The following GPBP1 variants were observed in gnomAD, a reference collection of about 807,000 sequenced individuals.
GPBP1 encodes vasculin.
Under a neutral mutation model 56.5 loss-of-function variants are expected in GPBP1, and 13 were observed. The observed-to-expected ratio is 0.23, with a 90% CI of 0.15 to 0.37. The LOEUF (loss-of-function observed/expected upper bound fraction) is 0.37. Ranked by LOEUF, GPBP1 falls within the 10% of genes least tolerant of loss-of-function variation. The pLI is 1.00. For synonymous variants in GPBP1, 204 were observed against 188.9 expected (o/e 1.08, Z -0.66); for missense variants, 477 against 572.3 (o/e 0.83, Z 1.70).
chr5:57,248,276 A>T (rs1684696051), intron 8 of GPBP1, among the ~76,000 whole-genome samples: 1 of 151,942 alleles, frequency 6.6e-6, no homozygotes, highest in Non-Finnish European at 1.5e-5. Context: ...TAGTTCAGGT[A>T]TTTTCTTTCT....
chr5:57,230,211 T>C (rs947947521), intron 3 of GPBP1, among the ~76,000 whole-genome samples: 8 of 152,094 alleles, frequency 5.3e-5, no homozygotes, highest in Admixed American at 3.9e-4. Flanking sequence ...GGATTACAGG[T>C]GTAAGCCACC....
At chr5:57,194,404 T>G (rs1754659755) in intron 2 of GPBP1, among the ~76,000 whole-genome samples, 1 of 152,196 alleles carries the variant, frequency 6.6e-6, no homozygotes, top group Admixed American at 6.6e-5. Context: ...ATATTTCTAC[T>G]TATGGATGAA....
chr5:57,190,134 A>G lies in GPBP1; in HGVS notation c.-58+13734A>G, dbSNP rs1488137113. Among the ~76,000 whole-genome samples, 24 of 148,364 alleles carry G rather than the reference A, an allele frequency of 1.6e-4. No homozygotes were observed. The Admixed American group carries it at 1.7e-3, about 11-fold the overall frequency. On this transcript the variant is annotated intron_variant, in intron 2 of 11. Coordinates refer to ENST00000506184, the MANE Select transcript of GPBP1 (RefSeq NM_022913.4). ...CACTTATTTGCACAGTAAAAGAACT[A>G]TTAACATCTATAAATAATTTAGCCT...
At chr5:57,193,297 CAA>C (rs762077089) in intron 2 of GPBP1, among the ~76,000 whole-genome samples, 10 of 151,674 alleles carry the variant, frequency 6.6e-5, no homozygotes, top group Non-Finnish European at 1.0e-4. Context: ...GCCTGGGTGA[CAA>C]GAGTGAAACT....
intron 2 of GPBP1, among the ~76,000 whole-genome samples, chr5:57,194,159 C>T (rs1161580563): frequency 6.6e-6 from 1 of 152,126 alleles, no homozygotes; most frequent in Non-Finnish European, 1.5e-5. Flanking sequence ...AACTAGACCT[C>T]TATTGATGTA....
chr5:57,210,290 C>T (rs545040286), intron 2 of GPBP1, among the ~76,000 whole-genome samples: 2 of 152,086 alleles, frequency 1.3e-5, no homozygotes, highest in South Asian at 2.1e-4. Context: ...TTTTATTCTT[C>T]ATGGATGTCG....
intron 8 of GPBP1, among the ~76,000 whole-genome samples, chr5:57,248,677 G>A (rs1194772916): frequency 2.0e-5 from 3 of 151,840 alleles, no homozygotes; most frequent in Non-Finnish European, 2.9e-5. Flanking sequence ...CTCGTGATCC[G>A]CCCGCCTCGG....
chr5:57,203,567 C>T (rs1755107554), intron 2 of GPBP1, among the ~76,000 whole-genome samples: 1 of 152,166 alleles, frequency 6.6e-6, no homozygotes, highest in Admixed American at 6.6e-5. Context: ...ACTGCTTGAA[C>T]CCAGGAGTGG....
rs1580084871 is a variant in GPBP1, at chr5:57,255,894, T to C, written c.1160+4753T>C. Among the ~76,000 whole-genome samples the C allele has an allele frequency of 2.0e-5, 3 of 152,160 alleles. No individual in the cohort carries two copies. The East Asian group carries it at 5.8e-4, about 29-fold the overall frequency. ...ACTTTAGTTTCATAACTTGACAGAATTTGGTTCTCTGTGACTACTAACAGG... is the reference window on the plus strand; with the variant it reads ...ACTTTAGTTTCATAACTTGACAGAACTTGGTTCTCTGTGACTACTAACAGG... On this transcript the variant is annotated intron_variant, in intron 10 of 11. Coordinates refer to ENST00000506184, the MANE Select transcript of GPBP1 (RefSeq NM_022913.4).
chr5:57,223,166 G>T (rs1756026406), intron 3 of GPBP1, among the ~76,000 whole-genome samples: 1 of 151,912 alleles, frequency 6.6e-6, no homozygotes, highest in Non-Finnish European at 1.5e-5. Flanking sequence ...TAGAGACAGG[G>T]TCTCACTGTG....
At chr5:57,193,824 C>T (rs1754634555) in intron 2 of GPBP1, among the ~76,000 whole-genome samples, 1 of 151,722 alleles carries the variant, frequency 6.6e-6, no homozygotes, top group South Asian at 2.1e-4. Context: ...ATTCAGGAAA[C>T]AGTAAAATTG....
intron 3 of GPBP1, among the ~76,000 whole-genome samples, chr5:57,229,606 C>T (rs1756354872): frequency 6.6e-6 from 1 of 152,026 alleles, no homozygotes. Context: ...TCTCGGCTCA[C>T]TGCAACTGCA....
chr5:57,175,500 C>A lies in GPBP1; in HGVS notation c.-958C>A. The A allele has an allele frequency of 2.5e-6, 1 of 398,336 alleles. No homozygotes were observed. Among genetic ancestry groups the A allele is most frequent in the Non-Finnish European group, 4.4e-6 (1 of 226,008 alleles). 24.7% of individuals were successfully genotyped at this position (398,336 alleles called of 1,614,324 possible). ...CATCATCTAGGTTTTGTGTAAAAGG[C>A]CCTGGATATTTTAAGTGGCCATTTT... On this transcript the variant is annotated 5_prime_UTR_variant, in exon 2 of 12. Coordinates refer to ENST00000506184, the MANE Select transcript of GPBP1 (RefSeq NM_022913.4).
At chr5:57,216,235 G>T (rs1254306030) in intron 3 of GPBP1, among the ~76,000 whole-genome samples, 2 of 152,174 alleles carry the variant, frequency 1.3e-5, no homozygotes, top group Non-Finnish European at 2.9e-5. Context: ...GGTGAGAAAT[G>T]TTGGCAGTCT....
intron 10 of GPBP1, among the ~76,000 whole-genome samples, chr5:57,256,311 A>AG (rs993578572): frequency 3.2e-4 from 49 of 151,942 alleles, no homozygotes; most frequent in African/African-American, 1.1e-3. Context: ...CTCTAGAGGG[A>AG]GGGGGAAAAA....
At chr5:57,250,861 A>G (rs1425151310) in intron 9 of GPBP1, 93 bp from the exon 10 acceptor site, 2 of 868,888 alleles carry the variant, frequency 2.3e-6, no homozygotes, top group Non-Finnish European at 3.4e-6. Flanking sequence ...ATGTATTTTC[A>G]ATGGAAGCTT....
At chr5:57,209,445 T>C (rs560089547) in intron 2 of GPBP1, among the ~76,000 whole-genome samples, 1 of 152,212 alleles carries the variant, frequency 6.6e-6, no homozygotes, top group African/African-American at 2.4e-5. Flanking sequence ...GGACTACAGG[T>C]GCTTTGCACT....
intron 3 of GPBP1, among the ~76,000 whole-genome samples, chr5:57,226,695 G>A (rs542038837): frequency 6.8e-6 from 1 of 147,470 alleles, no homozygotes; most frequent in Non-Finnish European, 1.5e-5. Flanking sequence ...GGGATTACAG[G>A]TGTGCGCCAC....
chr5:57,225,851 C>G (rs1243426101), intron 3 of GPBP1, among the ~76,000 whole-genome samples: 2 of 152,224 alleles, frequency 1.3e-5, no homozygotes, highest in African/African-American at 4.8e-5. Context: ...TATCCTGCTA[C>G]TCCTGATGCC....
Sources: allele counts gnomAD v4.1 joint callset (sites outside exome capture counted in the v4.1 genomes callset), GRCh38; gene constraint gnomAD v4.1.1; transcripts MANE v1.5; gene names NCBI Gene and HGNC (gene_info 2026-07-23, HGNC 2026-07-21).